The following SMOC1 variants were observed in gnomAD, a reference collection of about 807,000 sequenced individuals.
SMOC1 encodes the protein SPARC related modular calcium binding 1.
In SMOC1, 22 loss-of-function variants were observed where a neutral mutation model predicts 56.3. The observed-to-expected ratio is 0.39, with a 90% CI of 0.28 to 0.56. SMOC1 has a LOEUF of 0.56. Among genes scored for constraint, SMOC1 ranks in the 20% least tolerant of loss-of-function variants. The pLI is 0.61. For synonymous variants in SMOC1, 193 were observed against 215.0 expected (o/e 0.90, Z 0.89); for missense variants, 509 against 565.4 (o/e 0.90, Z 1.01).
At chr14:69,936,905 A>G (rs756202941) in intron 1 of SMOC1, among the ~76,000 whole-genome samples, 7 of 152,164 alleles carry the variant, frequency 4.6e-5, no homozygotes, top group Non-Finnish European at 1.0e-4. Flanking sequence ...GAGGAAGATT[A>G]CTTACATATA....
At chr14:70,012,401 A>G (rs953688789) in intron 9 of SMOC1, among the ~76,000 whole-genome samples, 7 of 152,266 alleles carry the variant, frequency 4.6e-5, no homozygotes, top group Non-Finnish European at 8.8e-5. Context: ...TGAGACTTAC[A>G]GAGTGGAGGA....
intron 7 of SMOC1, among the ~76,000 whole-genome samples, chr14:70,009,838 AATAAG>A (rs1190354265): frequency 6.6e-6 from 1 of 152,192 alleles, no homozygotes; most frequent in Non-Finnish European, 1.5e-5. Context: ...ACTTCTTTAT[AATAAG>A]AAACCCAACA....
intron 1 of SMOC1, among the ~76,000 whole-genome samples, chr14:69,924,039 C>T (rs227429): frequency 0.78 from 118,411 of 152,192 alleles, 46,929 homozygotes; most frequent in East Asian, 0.98. Flanking sequence ...CTCAGTGGAA[C>T]GTCAACAGCA....
chr14:69,888,552 G>A (rs11158822), intron 1 of SMOC1, among the ~76,000 whole-genome samples: 86,827 of 152,112 alleles, frequency 0.57, 27,906 homozygotes, highest in East Asian at 0.8. Flanking sequence ...ATGAGGTCAG[G>A]CATAATGTGT....
At chr14:69,893,708 T>C (rs1186993721) in intron 1 of SMOC1, among the ~76,000 whole-genome samples, 1 of 152,200 alleles carries the variant, frequency 6.6e-6, no homozygotes, top group Non-Finnish European at 1.5e-5. Context: ...GGAGATTCAT[T>C]GGCTCAAGTA....
At chr14:69,969,505 A>C (rs1382031992) in intron 3 of SMOC1, among the ~76,000 whole-genome samples, 1 of 152,030 alleles carries the variant, frequency 6.6e-6, no homozygotes, top group Non-Finnish European at 1.5e-5. Context: ...AAACGACCAG[A>C]TCTCACAAGA....
At chr14:69,892,574 T>G (rs1034026268) in intron 1 of SMOC1, among the ~76,000 whole-genome samples, 1 of 152,200 alleles carries the variant, frequency 6.6e-6, no homozygotes, top group African/African-American at 2.4e-5. Flanking sequence ...GAGAGACTAG[T>G]ACAATGGATT....
chr14:69,917,451 A>G (rs1884715442), intron 1 of SMOC1, among the ~76,000 whole-genome samples: 1 of 152,222 alleles, frequency 6.6e-6, no homozygotes, highest in Non-Finnish European at 1.5e-5. Flanking sequence ...ATTAAAAGAA[A>G]ACAAAACAAA....
chr14:69,952,432 C>A (rs1883037562), intron 2 of SMOC1, 129 bp downstream of exon 2: 9 of 1,091,206 alleles, frequency 8.2e-6, no homozygotes, highest in Non-Finnish European at 1.2e-5. Flanking sequence ...CTCTCCACCC[C>A]TTCCACCAGG....
At chr14:69,966,131 T>A (rs928280617) in intron 3 of SMOC1, among the ~76,000 whole-genome samples, 3 of 152,176 alleles carry the variant, frequency 2.0e-5, no homozygotes, top group African/African-American at 4.8e-5. Flanking sequence ...GAGTAAATGC[T>A]CCTATTTATG....
intron 3 of SMOC1, among the ~76,000 whole-genome samples, chr14:69,969,844 A>G (rs1247169079): frequency 6.6e-6 from 1 of 152,194 alleles, no homozygotes; most frequent in African/African-American, 2.4e-5. Flanking sequence ...ATCCCTCATT[A>G]TTTCTATTCA....
intron 1 of SMOC1, among the ~76,000 whole-genome samples, chr14:69,890,851 C>T (rs910438832): frequency 1.3e-5 from 2 of 152,154 alleles, no homozygotes; most frequent in African/African-American, 4.8e-5. Context: ...ACTCTTTGAC[C>T]TTGTAATTCT....
intron 7 of SMOC1, among the ~76,000 whole-genome samples, chr14:70,007,989 A>T (rs770582199): frequency 4.6e-5 from 7 of 152,224 alleles, no homozygotes; most frequent in Non-Finnish European, 7.3e-5. Context: ...ACTTGCAGAT[A>T]CTGTAATGAA....
In SMOC1 at chr14:69,882,540, C is replaced by T. The variant is rs115815694; in HGVS notation, c.99+2763C>T. Among the ~76,000 whole-genome samples the T allele has an allele frequency of 6.8e-3, 1,037 of 152,336 alleles. 9 individuals carry two copies. Among genetic ancestry groups the T allele is most frequent in the African/African-American group, 0.023 (976 of 41,568 alleles). On this transcript the variant is annotated intron_variant, in intron 1 of 11. Coordinates refer to ENST00000361956, the MANE Select transcript of SMOC1 (RefSeq NM_001034852.3). The stretch of plus-strand genomic sequence containing the variant: ...GGAAGCACCTGATTTTGGGGTCTCT[C>T]AACTGTGAGTGGTTGCTTGGCTAGC...
At chr14:69,973,711 C>T (rs1395556255) in intron 3 of SMOC1, among the ~76,000 whole-genome samples, 1 of 152,140 alleles carries the variant, frequency 6.6e-6, no homozygotes, top group Non-Finnish European at 1.5e-5. Context: ...TGATTTCTGT[C>T]GATAGGTCCA....
intron 1 of SMOC1, among the ~76,000 whole-genome samples, chr14:69,927,862 T>C (rs1451335985): frequency 6.6e-6 from 1 of 152,146 alleles, no homozygotes; most frequent in East Asian, 1.9e-4. Context: ...CGCAGGGACT[T>C]TCAGGTCACC....
chr14:69,979,593 T>C (rs1273618923), intron 5 of SMOC1, among the ~76,000 whole-genome samples: 1 of 151,064 alleles, frequency 6.6e-6, no homozygotes. Flanking sequence ...TTCTATTGCG[T>C]GTGTGTGTGT....
At position 69,879,464 on chromosome 14, in the gene SMOC1, C is replaced by A. The variant is rs891689283; in HGVS notation, c.-215C>A. On this transcript the variant is annotated 5_prime_UTR_variant, in exon 1 of 12. Transcript: ENST00000361956. ...GGGCCCCGCCGAGCGGAGCTAGCGC[C>A]GCGCGCAGAGCACACGCTCGCGCTC... 2 of 404,118 alleles carry A rather than the reference C, an allele frequency of 4.9e-6. No homozygotes were observed. Among genetic ancestry groups the A allele is most frequent in the African/African-American group, 2.1e-5 (1 of 47,484 alleles). The allele number at this position is 404,118 out of a possible 1,614,324, so 25.0% of individuals were successfully genotyped here.
chr14:69,916,490 C>T (rs1336400998), intron 1 of SMOC1, among the ~76,000 whole-genome samples: 1 of 152,244 alleles, frequency 6.6e-6, no homozygotes, highest in African/African-American at 2.4e-5. Flanking sequence ...GCCCATTTTA[C>T]AGCGGCTTCC....
Sources: gnomAD v4.1 joint callset for allele counts (sites outside exome capture counted in the v4.1 genomes callset) on GRCh38, gnomAD v4.1.1 for gene constraint, MANE v1.5 for transcripts, NCBI Gene and HGNC (gene_info 2026-07-23, HGNC 2026-07-21) for gene names.